The following NRXN3 variants were observed in gnomAD, a reference collection of about 807,000 sequenced individuals.
NRXN3 encodes the protein neurexin III.
Under a neutral mutation model 137.6 loss-of-function variants are expected in NRXN3, and 32 were observed. The observed-to-expected ratio is 0.23, with a 90% CI of 0.18 to 0.31. The LOEUF (loss-of-function observed/expected upper bound fraction) is 0.31, where lower values mean the gene tolerates loss of function less well. NRXN3 is among the 10% of genes least tolerant of loss of function. NRXN3 has a pLI of 1.00. For missense variants in NRXN3, 1,574 were observed against 2,062.5 expected (o/e 0.76, Z 4.59); for synonymous variants, 798 against 784.5 (o/e 1.02, Z -0.29).
At chr14:79,019,049 A>G (rs190182874) in intron 15 of NRXN3, among the ~76,000 whole-genome samples, 50 of 152,286 alleles carry the variant, frequency 3.3e-4, no homozygotes, top group Non-Finnish European at 5.7e-4. Flanking sequence ...CTTTTCTGAT[A>G]TCTAGCATGA....
chr14:79,708,983 GAGAGAGAGAGAGAGAGAC>G (rs1488000262), intron 19 of NRXN3, among the ~76,000 whole-genome samples: 9 of 140,724 alleles, frequency 6.4e-5, no homozygotes, highest in Non-Finnish European at 1.3e-4. Flanking sequence ...GTGTGTGTGT[GAGAGAGAGAGAGAGAGAC>G]AGGGAGAGAG....
At chr14:79,227,143 AT>A (rs2071072237) in intron 15 of NRXN3, among the ~76,000 whole-genome samples, 1 of 145,898 alleles carries the variant, frequency 6.9e-6, no homozygotes, top group East Asian at 2.1e-4. Context: ...ATGAAAAAAT[AT>A]ATATATATGT....
intron 15 of NRXN3, among the ~76,000 whole-genome samples, chr14:79,396,109 A>T (rs1315385924): frequency 6.6e-6 from 1 of 152,076 alleles, no homozygotes; most frequent in African/African-American, 2.4e-5. Context: ...TTTTTATTCC[A>T]TAGCTATTTT....
At chr14:78,213,706 C>A (rs1362300852) in intron 1 of NRXN3, among the ~76,000 whole-genome samples, 1 of 152,128 alleles carries the variant, frequency 6.6e-6, no homozygotes, top group African/African-American at 2.4e-5. Flanking sequence ...CAACTCTGCT[C>A]TCTGTGGCAT....
At chr14:78,953,740 A>C (rs1347819328) in intron 10 of NRXN3, among the ~76,000 whole-genome samples, 1 of 148,526 alleles carries the variant, frequency 6.7e-6, no homozygotes, top group Non-Finnish European at 1.5e-5. Flanking sequence ...AAGCAGCCTC[A>C]AGAGAATCAA....
intron 19 of NRXN3, among the ~76,000 whole-genome samples, chr14:79,729,082 C>T (rs1363947699): frequency 2.0e-5 from 3 of 152,148 alleles, no homozygotes; most frequent in African/African-American, 7.2e-5. Context: ...TGTGTGCCAC[C>T]ATCATTATTA....
At chr14:79,775,024 T>A (rs1232511531) in intron 19 of NRXN3, among the ~76,000 whole-genome samples, 1 of 152,034 alleles carries the variant, frequency 6.6e-6, no homozygotes, top group Non-Finnish European at 1.5e-5. Context: ...AATGGAATGG[T>A]GACGTAGACA....
At chr14:78,582,517 G>A (rs921586257) in intron 4 of NRXN3, among the ~76,000 whole-genome samples, 1 of 152,070 alleles carries the variant, frequency 6.6e-6, no homozygotes, top group African/African-American at 2.4e-5. Context: ...GGCCACAAGA[G>A]CTCCATTTTC....
chr14:79,792,000 G>C (rs576044775), intron 19 of NRXN3, among the ~76,000 whole-genome samples: 2 of 152,128 alleles, frequency 1.3e-5, no homozygotes, highest in Non-Finnish European at 1.5e-5. Flanking sequence ...ACTTATGTCC[G>C]TGCTATGCCA....
chr14:79,543,418 A>C (rs2153736789), intron 16 of NRXN3, among the ~76,000 whole-genome samples: 1 of 152,280 alleles, frequency 6.6e-6, no homozygotes, highest in Non-Finnish European at 1.5e-5. Flanking sequence ...TGCAAGTTCC[A>C]GGTCAGTTGT....
At chr14:79,633,892 G>A (rs2098381514) in intron 16 of NRXN3, among the ~76,000 whole-genome samples, 1 of 152,042 alleles carries the variant, frequency 6.6e-6, no homozygotes, top group Non-Finnish European at 1.5e-5. Context: ...AAAACTCTAA[G>A]CATTCACATG....
intron 10 of NRXN3, among the ~76,000 whole-genome samples, chr14:78,893,958 A>C (rs756859387): frequency 6.6e-6 from 1 of 151,958 alleles, no homozygotes; most frequent in Non-Finnish European, 1.5e-5. Context: ...TAAAATGTAC[A>C]TACCCTAATT....
intron 15 of NRXN3, among the ~76,000 whole-genome samples, chr14:79,216,319 G>A (rs2068495093): frequency 6.6e-6 from 1 of 152,120 alleles, no homozygotes; most frequent in African/African-American, 2.4e-5. Flanking sequence ...AAGAGAACCA[G>A]GTGGAAGCTG....
intron 10 of NRXN3, among the ~76,000 whole-genome samples, chr14:78,888,382 C>T (rs2099149550): frequency 6.6e-6 from 1 of 150,448 alleles, no homozygotes; most frequent in African/African-American, 2.4e-5. Flanking sequence ...TTGTGAAGGG[C>T]AGACATTAAC....
intron 15 of NRXN3, among the ~76,000 whole-genome samples, chr14:79,055,061 CCACTACTGTGGCTT>C (rs1377814614): frequency 6.6e-6 from 1 of 152,106 alleles, no homozygotes; most frequent in Non-Finnish European, 1.5e-5. Context: ...TACCCTAATC[CCACTACTGTGGCTT>C]ACTCTGGGCT....
chr14:78,672,020 G>A (rs775284310), intron 6 of NRXN3, among the ~76,000 whole-genome samples: 34 of 152,136 alleles, frequency 2.2e-4, no homozygotes, highest in Non-Finnish European at 3.5e-4. Context: ...CTGTCTGTAT[G>A]TTTATTGCAT....
intron 19 of NRXN3, among the ~76,000 whole-genome samples, chr14:79,744,016 T>C (rs897309900): frequency 2.0e-5 from 3 of 152,238 alleles, no homozygotes. Context: ...TAATATATTG[T>C]TTCCTCTTGC....
intron 20 of NRXN3, among the ~76,000 whole-genome samples, chr14:79,852,886 A>G (rs1311879529): frequency 2.0e-5 from 3 of 151,388 alleles, no homozygotes; most frequent in African/African-American, 7.3e-5. Flanking sequence ...ATATATATCA[A>G]TGTGTTTCTT....
At chr14:78,768,499 G>T (rs1266013694) in intron 8 of NRXN3, among the ~76,000 whole-genome samples, 1 of 152,148 alleles carries the variant, frequency 6.6e-6, no homozygotes, top group East Asian at 1.9e-4. Context: ...ATTTTGGCAA[G>T]ACCTTGTTTC....
Sources: allele counts gnomAD v4.1 joint callset (sites outside exome capture counted in the v4.1 genomes callset), GRCh38; gene constraint gnomAD v4.1.1; transcripts MANE v1.5; gene names NCBI Gene and HGNC (gene_info 2026-07-23, HGNC 2026-07-21).